UBXN7: variants seen among roughly 807,000 people sequenced by gnomAD.
UBXN7 encodes the protein UBX domain-containing protein 7.
UBXN7 carries 9 observed loss-of-function variants against 58.0 expected under a neutral mutation model. That is an observed-to-expected ratio of 0.16 (90% CI 0.09 to 0.27). The LOEUF (loss-of-function observed/expected upper bound fraction) is 0.27. Among genes scored for constraint, UBXN7 ranks in the 10% least tolerant of loss-of-function variants. UBXN7 has a pLI of 1.00. For missense variants in UBXN7, 328 were observed against 599.6 expected, an observed-to-expected ratio of 0.55 and a Z score of 4.73; for synonymous variants, 208 against 205.0, an observed-to-expected ratio of 1.01 and a Z score of -0.12.
At chr3:196,422,124 C>G (rs189472200) in intron 1 of UBXN7, among the ~76,000 whole-genome samples, 1 of 151,162 alleles carries the variant, frequency 6.6e-6, no homozygotes, top group Admixed American at 6.6e-5. Flanking sequence ...CGCTTGAACC[C>G]AGGAGACAGA....
In UBXN7 at chr3:196,355,723, C is replaced by T. The variant is rs1728327205; in HGVS notation, c.*962G>A. The T allele has an allele frequency of 6.6e-6, 1 of 152,152 alleles. No individual in the cohort carries two copies. Among genetic ancestry groups the T allele is most frequent in the African/African-American group, 2.4e-5 (1 of 41,422 alleles). 9.4% of individuals were successfully genotyped at this position (152,152 alleles called of 1,614,324 possible). On this transcript the variant is annotated 3_prime_UTR_variant, in exon 11 of 11. Transcript: ENST00000296328. ...TCCCCAGGGACATACCTAAGTATGC[C>T]TGAAACAACACAGGACAATCAATAA...
intron 1 of UBXN7, among the ~76,000 whole-genome samples, chr3:196,426,803 G>A (rs1347573909): frequency 1.3e-5 from 2 of 150,288 alleles, no homozygotes; most frequent in South Asian, 2.1e-4. Context: ...AGCCAAGATC[G>A]TACCTTTGCA....
chr3:196,404,549 A>G (rs1332216202), intron 2 of UBXN7, among the ~76,000 whole-genome samples: 1 of 137,360 alleles, frequency 7.3e-6, no homozygotes, highest in Non-Finnish European at 1.7e-5. Context: ...GGCGTGAGCC[A>G]CCGCGCCCGG....
chr3:196,430,467 A>G (rs556003186), intron 1 of UBXN7, among the ~76,000 whole-genome samples: 1 of 152,090 alleles, frequency 6.6e-6, no homozygotes, highest in African/African-American at 2.4e-5. Flanking sequence ...TACTCACCGC[A>G]GCCTTGAACT....
intron 1 of UBXN7, among the ~76,000 whole-genome samples, chr3:196,424,864 G>A (rs966490347): frequency 6.6e-5 from 10 of 151,748 alleles, no homozygotes; most frequent in Admixed American, 1.3e-4. Flanking sequence ...CACCATGCCC[G>A]GCTAGTTTTG....
rs559560650 is a variant in UBXN7 at position 196,429,322 on chromosome 3, G to C, written c.73+3005C>G. On this transcript the variant is annotated intron_variant, in intron 1 of 10. Transcript: ENST00000296328. ...AGCCTGGGTGACAGAGCGAGACTCCGTCTCAAAAAAAAAAAAAACATCAGT... is the reference window on the plus strand; with the variant it reads ...AGCCTGGGTGACAGAGCGAGACTCCCTCTCAAAAAAAAAAAAAACATCAGT... Among the ~76,000 whole-genome samples the C allele has an allele frequency of 1.6e-3, 237 of 147,136 alleles. 4 individuals carry two copies. The Middle Eastern group carries it at 0.039, about 24-fold the overall frequency.
chr3:196,420,932 C>A (rs997712201), intron 1 of UBXN7, among the ~76,000 whole-genome samples: 3 of 152,194 alleles, frequency 2.0e-5, no homozygotes, highest in African/African-American at 7.2e-5. Context: ...AAACAATCAT[C>A]ATCATCCCTC....
In UBXN7 at chr3:196,354,094, C is replaced by T. The variant is rs1030770794; in HGVS notation, c.*2591G>A. On this transcript the variant is annotated 3_prime_UTR_variant, in exon 11 of 11. Coordinates refer to ENST00000296328, the MANE Select transcript of UBXN7 (RefSeq NM_015562.2). ...TTATGGATTCTTCCCATGTACAATC[C>T]GTAACTCTTCCCATGGGCCTTTATA... 2 of 152,062 alleles carry T rather than the reference C, an allele frequency of 1.3e-5. No individual in the cohort carries two copies. Among genetic ancestry groups the T allele is most frequent in the South Asian group, 2.1e-4 (1 of 4,812 alleles). The allele number at this position is 152,062 out of a possible 1,614,324, so 9.4% of individuals were successfully genotyped here.
chr3:196,429,331 A>G (rs2108629235), intron 1 of UBXN7, among the ~76,000 whole-genome samples: 1 of 152,168 alleles, frequency 6.6e-6, no homozygotes, highest in South Asian at 2.1e-4. Context: ...CGTCTCAAAA[A>G]AAAAAAAAAC....
intron 10 of UBXN7, 143 bp from the exon 11 acceptor site, chr3:196,356,989 G>A (rs368894087): frequency 8.8e-7 from 1 of 1,142,558 alleles, no homozygotes; most frequent in Non-Finnish European, 1.2e-6. Context: ...ACCAAAGCTT[G>A]CCCTTGGGGA....
chr3:196,390,977 T>C (rs1729565027), intron 5 of UBXN7, among the ~76,000 whole-genome samples: 1 of 152,232 alleles, frequency 6.6e-6, no homozygotes, highest in South Asian at 2.1e-4. Context: ...TAAGTAAGTC[T>C]GTAAGTTAGC....
intron 3 of UBXN7, chr3:196,400,395 C>A (rs1481108520): frequency 3.3e-5 from 5 of 152,426 alleles, no homozygotes; most frequent in African/African-American, 1.2e-4. Context: ...AGAATGACTT[C>A]CTAACTGTAA....
At chr3:196,401,274 AATATATATATATAT>A (rs780788392) in intron 3 of UBXN7, among the ~76,000 whole-genome samples, 6 of 36,882 alleles carry the variant, frequency 1.6e-4, no homozygotes, top group East Asian at 3.5e-3. Context: ...AAAAAAAAAA[AATATATATATATAT>A]ATATATATAT....
intron 5 of UBXN7, among the ~76,000 whole-genome samples, chr3:196,385,366 C>T (rs1729344972): frequency 6.6e-6 from 1 of 152,202 alleles, no homozygotes; most frequent in Non-Finnish European, 1.5e-5. Flanking sequence ...CTCCACCTCC[C>T]AGCCGCCTGC....
chr3:196,356,924 TTC>T (rs1728367147), intron 10 of UBXN7, 78 bp from the exon 11 acceptor site: 1 of 1,500,214 alleles, frequency 6.7e-7, no homozygotes, highest in Non-Finnish European at 8.9e-7. Flanking sequence ...ATAGAAAACA[TTC>T]TCTTTTTAAT....
At chr3:196,386,186 G>C (rs1560228739) in intron 5 of UBXN7, among the ~76,000 whole-genome samples, 1 of 151,612 alleles carries the variant, frequency 6.6e-6, no homozygotes, top group Non-Finnish European at 1.5e-5. Context: ...CAGCATACTC[G>C]TTAAGCGTCA....
chr3:196,373,714 C>CT (rs1560222707), intron 5 of UBXN7, among the ~76,000 whole-genome samples: 1 of 151,680 alleles, frequency 6.6e-6, no homozygotes, highest in African/African-American at 2.4e-5. Flanking sequence ...AAATTATTTT[C>CT]TTTTTTTGTT....
rs11928172 is a variant in UBXN7, at chr3:196,410,754, G to A, written c.74-3361C>T. Among the ~76,000 whole-genome samples the A allele has an allele frequency of 8.7e-3, 1,317 of 151,990 alleles. 14 individuals are homozygous for A. The highest frequency in any genetic ancestry group is 0.03 in the African/African-American group (1,259 of 41,446). On this transcript the variant is annotated intron_variant, in intron 1 of 10. Coordinates refer to ENST00000296328, the MANE Select transcript of UBXN7 (RefSeq NM_015562.2). Reference sequence around the variant, plus strand: ...GGAGAATCTCTTGAACCTGGGAGGCGGAGGTTGCAGTGAGCTGAGATTACA... The same window carrying A: ...GGAGAATCTCTTGAACCTGGGAGGCAGAGGTTGCAGTGAGCTGAGATTACA...
intron 1 of UBXN7, among the ~76,000 whole-genome samples, chr3:196,418,466 G>C (rs534370469): frequency 1.3e-5 from 2 of 152,304 alleles, no homozygotes; most frequent in East Asian, 1.9e-4. Context: ...CTGATGCTAT[G>C]AACATGTGTC....
Sources: gnomAD v4.1 joint callset for allele counts (sites outside exome capture counted in the v4.1 genomes callset) on GRCh38, gnomAD v4.1.1 for gene constraint, MANE v1.5 for transcripts, NCBI Gene and HGNC (gene_info 2026-07-23, HGNC 2026-07-21) for gene names.